The following LPP variants were observed in gnomAD, a reference collection of about 807,000 sequenced individuals.
LPP encodes LIM domain containing preferred translocation partner in lipoma.
In LPP, 38 loss-of-function variants were observed where a neutral mutation model predicts 60.4. The ratio of observed to expected loss-of-function variants is 0.63; its 90% CI spans 0.49 to 0.83. The LOEUF is 0.83. LPP is among the 40% of genes least tolerant of loss of function. The pLI is 0.00. For synonymous variants in LPP, 328 were observed against 290.8 expected (o/e 1.13, Z -1.30); for missense variants, 902 against 783.6 (o/e 1.15, Z -1.80).
intron 2 of LPP, among the ~76,000 whole-genome samples, chr3:188,308,959 CCCTTCTCCTTTCT>C (rs1752468557): frequency 6.6e-6 from 1 of 151,728 alleles, no homozygotes; most frequent in South Asian, 2.1e-4. Context: ...TCTCCCTTCT[CCCTTCTCCTTTCT>C]CCTTCTCCTC....
At chr3:188,771,279 T>C (rs1735877313) in intron 9 of LPP, among the ~76,000 whole-genome samples, 2 of 152,084 alleles carry the variant, frequency 1.3e-5, no homozygotes, top group Non-Finnish European at 2.9e-5. Flanking sequence ...CCGGGCACAG[T>C]AGCTCACGCC....
At chr3:188,444,254 T>C (rs1032914095) in intron 4 of LPP, among the ~76,000 whole-genome samples, 3 of 151,716 alleles carry the variant, frequency 2.0e-5, no homozygotes, top group Non-Finnish European at 2.9e-5. Context: ...ATACAAATAA[T>C]ATAGGGCTGT....
chr3:188,276,807 C>T (rs1461525613), intron 2 of LPP, among the ~76,000 whole-genome samples: 2 of 151,306 alleles, frequency 1.3e-5, no homozygotes, highest in African/African-American at 2.4e-5. Flanking sequence ...TCCTGAGCCT[C>T]CACAGAAGGA....
At chr3:188,668,517 ACT>A in intron 7 of LPP, among the ~76,000 whole-genome samples, 1 of 152,082 alleles carries the variant, frequency 6.6e-6, no homozygotes, top group Admixed American at 6.5e-5. Flanking sequence ...GTGCCAAAAA[ACT>A]CTAATTCCAT....
rs74926141 is a variant in LPP, at chr3:188,760,108, T to C, written c.1241-5T>C. ...TGTGTTCTTATCAAACCCTTTTTTT[T>C]CCAGGCCGCTGTGCTCGCTGTGGAG... On this transcript the variant is annotated splice_polypyrimidine_tract_variant and splice_region_variant and intron_variant, in intron 8 of 11. Transcript: ENST00000617246. 1 of 1,613,728 alleles carries C rather than the reference T, an allele frequency of 6.2e-7. No individual in the cohort carries two copies. The highest frequency in any genetic ancestry group is 1.1e-5 in the South Asian group (1 of 91,058).
chr3:188,612,869 T>G (rs1473258429), intron 7 of LPP, among the ~76,000 whole-genome samples: 1 of 150,950 alleles, frequency 6.6e-6, no homozygotes, highest in South Asian at 2.1e-4. Flanking sequence ...GAATATGATA[T>G]AGTAAAAAAG....
At chr3:188,319,103 A>G (rs972206927) in intron 2 of LPP, among the ~76,000 whole-genome samples, 3 of 152,194 alleles carry the variant, frequency 2.0e-5, no homozygotes, top group Non-Finnish European at 2.9e-5. Context: ...GTTAGTTTAT[A>G]TAGTTTCACA....
At chr3:188,721,749 C>G (rs1716495427) in intron 8 of LPP, among the ~76,000 whole-genome samples, 1 of 152,122 alleles carries the variant, frequency 6.6e-6, no homozygotes, top group African/African-American at 2.4e-5. Context: ...GCGGAGTCAT[C>G]ATGTTCTTGT....
In LPP at chr3:188,708,405, C is replaced by G; in HGVS notation, c.1240+12C>G. On this transcript the variant is annotated intron_variant, in intron 8 of 11. Transcript: ENST00000617246. The stretch of plus-strand genomic sequence containing the variant: ...TGACGAATACTTTGGTGAGTGGGGC[C>G]TAGAGCTGACTTCTGAAGTAACTAT... 1 of 1,614,168 alleles carries G rather than the reference C, an allele frequency of 6.2e-7. No homozygotes were observed. The highest frequency in any genetic ancestry group is 1.7e-4 in the Middle Eastern group (1 of 6,060).
intron 8 of LPP, among the ~76,000 whole-genome samples, chr3:188,730,059 G>A (rs969857660): frequency 2.0e-5 from 3 of 152,140 alleles, no homozygotes; most frequent in Non-Finnish European, 4.4e-5. Context: ...TGTTTTAAAA[G>A]TACATATATA....
intron 11 of LPP, 32 bp from the exon 12 acceptor site, chr3:188,874,319 T>TA: frequency 6.3e-7 from 1 of 1,594,240 alleles, no homozygotes; most frequent in Non-Finnish European, 8.6e-7. Context: ...CGTTTTTACT[T>TA]ATGTCGTTTC....
chr3:188,502,348 A>G (rs920628591), intron 5 of LPP, among the ~76,000 whole-genome samples: 2 of 152,162 alleles, frequency 1.3e-5, no homozygotes, highest in African/African-American at 4.8e-5. Context: ...TGAGCCTCTT[A>G]TTAATATAAT....
chr3:188,727,019 G>A (rs376161927), intron 8 of LPP, among the ~76,000 whole-genome samples: 3 of 152,156 alleles, frequency 2.0e-5, no homozygotes, highest in Admixed American at 6.6e-5. Context: ...AGCCGAGCAA[G>A]GAAGTCAGTT....
chr3:188,367,836 G>T (rs574520714), intron 3 of LPP, among the ~76,000 whole-genome samples: 2 of 152,180 alleles, frequency 1.3e-5, no homozygotes, highest in Admixed American at 6.5e-5. Context: ...GTTAGATTCA[G>T]GTTTTGTCCA....
chr3:188,158,791 C>T (rs181305299), intron 1 of LPP, among the ~76,000 whole-genome samples: 1 of 152,320 alleles, frequency 6.6e-6, no homozygotes, highest in East Asian at 1.9e-4. Flanking sequence ...ATAGCCTCTT[C>T]ACCACTCTTT....
chr3:188,271,457 A>G (rs1412090842), intron 2 of LPP, among the ~76,000 whole-genome samples: 1 of 152,194 alleles, frequency 6.6e-6, no homozygotes. Context: ...AAGAGACGGA[A>G]TTAGGGATGT....
chr3:188,451,505 T>C (rs1421169561), intron 4 of LPP, among the ~76,000 whole-genome samples: 1 of 152,226 alleles, frequency 6.6e-6, no homozygotes, highest in Non-Finnish European at 1.5e-5. Flanking sequence ...TTGTAGAAAC[T>C]TTTCTAGGTA....
At chr3:188,363,585 C>T (rs543885946) in intron 3 of LPP, among the ~76,000 whole-genome samples, 8 of 152,240 alleles carry the variant, frequency 5.3e-5, no homozygotes, top group African/African-American at 1.7e-4. Context: ...TCTTTGCAAA[C>T]GCCCTCCTTC....
chr3:188,847,963 G>A (rs925459473), intron 9 of LPP, among the ~76,000 whole-genome samples: 1 of 152,126 alleles, frequency 6.6e-6, no homozygotes, highest in African/African-American at 2.4e-5. Flanking sequence ...AGGCTCCTGG[G>A]GAACCAAATT....
Sources: gnomAD v4.1 joint callset for allele counts (sites outside exome capture counted in the v4.1 genomes callset) on GRCh38, gnomAD v4.1.1 for gene constraint, MANE v1.5 for transcripts, NCBI Gene and HGNC (gene_info 2026-07-23, HGNC 2026-07-21) for gene names.